The following LHX4 variants were observed in gnomAD, a reference collection of about 807,000 sequenced individuals.
LHX4 encodes the protein LIM/homeobox protein Lhx4.
In LHX4, 16 loss-of-function variants were observed where a neutral mutation model predicts 39.2. The observed-to-expected ratio is 0.41, with a 90% CI of 0.28 to 0.62. The LOEUF (loss-of-function observed/expected upper bound fraction) is 0.62. Among genes scored for constraint, LHX4 ranks in the 20% least tolerant of loss-of-function variants. LHX4 has a pLI of 0.33. For synonymous variants in LHX4, 206 were observed against 198.1 expected, an observed-to-expected ratio of 1.04 and a Z score of -0.33; for missense variants, 439 against 511.9, an observed-to-expected ratio of 0.86 and a Z score of 1.37.
At chr1:180,230,240 G>C (rs561399993), upstream of LHX4, 259 of 472,856 alleles carry the variant, frequency 5.5e-4, no homozygotes, top group African/African-American at 5.6e-3. The surrounding 1 kb of genome is among the most constrained non-coding windows in gnomAD (Gnocchi z 5.8). Context: ...AGGAGCGGGC[G>C]GGGGAGGGAA....
rs1294327913 is a variant in LHX4, at chr1:180,277,291, T to C, written c.*2712T>C. 1 of 152,260 alleles carries C rather than the reference T, an allele frequency of 6.6e-6. No individual in the cohort carries two copies. The highest frequency in any genetic ancestry group is 1.5e-5 in the Non-Finnish European group (1 of 68,056). 9.4% of individuals were successfully genotyped at this position (152,260 alleles called of 1,614,324 possible). A position where few individuals can be genotyped will look rare whatever the true frequency, so the allele number is the denominator to read the frequency against. On this transcript the variant is annotated 3_prime_UTR_variant, in exon 6 of 6. Transcript: ENST00000263726. The stretch of plus-strand genomic sequence containing the variant: ...AGAAAAGCCGGGCATTCATTACTTT[T>C]AGCTTCTCTTAGAGGCACTCCTCTG...
Position 180,230,669 on chromosome 1 carries a change from CG to C in LHX4, c.76+68del. 1 of 1,480,400 alleles carries C rather than the reference CG, an allele frequency of 6.8e-7. No homozygotes were observed. The highest frequency in any genetic ancestry group is 9.4e-7 in the Non-Finnish European group (1 of 1,065,218). The allele number at this position is 1,480,400 out of a possible 1,614,324, so 91.7% of individuals were successfully genotyped here. A position where few individuals can be genotyped will look rare whatever the true frequency, so the allele number is the denominator to read the frequency against. On this transcript the variant is annotated intron_variant, in intron 1 of 5. Transcript: ENST00000263726. The surrounding 1 kb of genome is among the most constrained non-coding windows in gnomAD (Gnocchi z 5.8). ...AGACAGCTAGCAGCCTCAGCCGCTG[CG>C]GGGCGGGCCGGACGCCGCTCAGGGG... is the stretch of plus-strand genomic sequence containing the variant.
At chr1:180,239,678 C>A (rs966674727) in intron 1 of LHX4, among the ~76,000 whole-genome samples, 2 of 152,236 alleles carry the variant, frequency 1.3e-5, no homozygotes, top group African/African-American at 4.8e-5. Flanking sequence ...CTAATTCGGC[C>A]TCAAACTGTG....
At position 180,261,257 on chromosome 1, in the gene LHX4, C is replaced by T. The variant is rs939447022; in HGVS notation, c.249-5135C>T. Among the ~76,000 whole-genome samples, 18 of 151,296 alleles carry T rather than the reference C, an allele frequency of 1.2e-4. 1 individual carries two copies. In the Middle Eastern group the frequency reaches 0.01, roughly 86 times the overall value. On this transcript the variant is annotated intron_variant, in intron 2 of 5. Coordinates refer to ENST00000263726, the MANE Select transcript of LHX4 (RefSeq NM_033343.4). ...GCAGCACAGCTCTGGATGAGTGGGG[C>T]GCTGCCCTGAAGGGTGCGGGGAGTG... is the stretch of plus-strand genomic sequence containing the variant.
rs756882283 is a variant in LHX4 at position 180,230,580 on chromosome 1, G to GGAGATGCTA, written c.53_61dup (p.Glu18_Leu20dup). 19 of 1,613,802 alleles carry GGAGATGCTA rather than the reference G, an allele frequency of 1.2e-5. No individual in the cohort carries two copies. The highest frequency in any genetic ancestry group is 1.4e-5 in the Non-Finnish European group (17 of 1,179,970). ...CGGAAGGGGCTGTCAAGGGGCTCCC[G>GGAGATGCTA]GAGATGCTAGGTGTGCCGATGCAAC... On this transcript the variant is annotated inframe_insertion, in exon 1 of 6. Coordinates refer to ENST00000263726, the MANE Select transcript of LHX4 (RefSeq NM_033343.4). This position sits in a 1 kb window ranked among gnomAD's most constrained non-coding sequence, Gnocchi z 5.8.
At chr1:180,258,145 G>C (rs12083538) in intron 2 of LHX4, among the ~76,000 whole-genome samples, 17,338 of 152,274 alleles carry the variant, frequency 0.11, 1,569 homozygotes, top group African/African-American at 0.25. Context: ...GGGGGAAACA[G>C]GGTCAGCAAG....
upstream of LHX4, among the ~76,000 whole-genome samples, chr1:180,229,971 G>A (rs868492532): frequency 7.1e-6 from 1 of 141,660 alleles, no homozygotes; most frequent in Non-Finnish European, 1.6e-5. Flanking sequence ...GGGAGGGGGG[G>A]GGGGTGCCGG....
chr1:180,263,443 A>G (rs934451152), intron 2 of LHX4, among the ~76,000 whole-genome samples: 11 of 151,918 alleles, frequency 7.2e-5, no homozygotes, highest in African/African-American at 2.7e-4. Context: ...GATGGGGTGG[A>G]GGGTGATCTG....
chr1:180,242,474 G>A (rs1664463926), intron 1 of LHX4, among the ~76,000 whole-genome samples: 1 of 152,050 alleles, frequency 6.6e-6, no homozygotes, highest in Admixed American at 6.6e-5. Flanking sequence ...TAAGTATGGT[G>A]TGGGCGTGTA....
In LHX4 at chr1:180,271,425, C is replaced by T; in HGVS notation, c.497C>T (p.Ala166Val). The part of the protein sequence containing the change: ...GAKRPRTTIT[A>V]KQLETLKNAY... The stretch of plus-strand genomic sequence containing the variant: ...AAGCGGCCCCGGACCACCATCACAG[C>T]CAAGCAGCTGGAGACATTAAAGAAT... Residue 166 changes from alanine (A) to valine (V), a missense_variant, in exon 4 of 6, where the codon GCC becomes GTC. Transcript: ENST00000263726. 1 of 1,614,142 alleles carries T rather than the reference C, an allele frequency of 6.2e-7. No homozygotes were observed. Among genetic ancestry groups the T allele is most frequent in the Non-Finnish European group, 8.5e-7 (1 of 1,180,026 alleles).
intron 3 of LHX4, chr1:180,270,465 A>T (rs1648577920): frequency 6.6e-6 from 1 of 152,190 alleles, no homozygotes; most frequent in Non-Finnish European, 1.5e-5. Context: ...TGGGAGAGGA[A>T]ACAAACCTTT....
intron 5 of LHX4, chr1:180,273,323 G>A (rs2149267935): frequency 6.6e-6 from 1 of 152,518 alleles, no homozygotes; most frequent in East Asian, 1.9e-4. Context: ...GACAGCTCAT[G>A]GGACTAATAC....
At chr1:180,236,999 A>G (rs1486073721) in intron 1 of LHX4, among the ~76,000 whole-genome samples, 1 of 152,134 alleles carries the variant, frequency 6.6e-6, no homozygotes, top group African/African-American at 2.4e-5. Flanking sequence ...ATGAGTGTTA[A>G]CAATGCCCAT....
rs1183071894 is a variant in LHX4, at chr1:180,277,826, G to GA, written c.*3253dup. ...ATACTGTGAAACATCAGGGAAAGAG[G>GA]AAAAAATTAAGCCACAAGAAAACCA... On this transcript the variant is annotated 3_prime_UTR_variant, in exon 6 of 6. Transcript: ENST00000263726. 3.5e-5 allele frequency: 5 copies of GA among 144,590 alleles called. No individual in the cohort carries two copies. Among genetic ancestry groups the GA allele is most frequent in the Admixed American group, 1.4e-4 (2 of 14,418 alleles). The allele number at this position is 144,590 out of a possible 1,614,324, so 9.0% of individuals were successfully genotyped here. A position where few individuals can be genotyped will look rare whatever the true frequency, so the allele number is the denominator to read the frequency against.
Position 180,276,423 on chromosome 1 carries a change from T to G in LHX4, c.*1844T>G, listed in dbSNP as rs1649032170. The G allele has an allele frequency of 6.6e-6, 1 of 152,210 alleles. No homozygotes were observed. The highest frequency in any genetic ancestry group is 2.4e-5 in the African/African-American group (1 of 41,438). 9.4% of individuals were successfully genotyped at this position (152,210 alleles called of 1,614,324 possible). ...CTCTGACCAATTTTATAGCGTACCC[T>G]CGTTTTTTGGTGTGCTGCAGTGGTC... On this transcript the variant is annotated 3_prime_UTR_variant, in exon 6 of 6. Coordinates refer to ENST00000263726, the MANE Select transcript of LHX4 (RefSeq NM_033343.4).
intron 1 of LHX4, among the ~76,000 whole-genome samples, chr1:180,237,852 G>T (rs1664361094): frequency 6.6e-6 from 1 of 152,174 alleles, no homozygotes; most frequent in Non-Finnish European, 1.5e-5. Context: ...CAAACATATG[G>T]AATACTGTTA....
At position 180,274,147 on chromosome 1, in the gene LHX4, T is replaced by C. The variant is rs751568001; in HGVS notation, c.779-38T>C. ...GAAGAGCAGGGGACCATCAGAGTCCTGGCAGCTGACAATAAATCTCCGTTC... is the reference window on the plus strand; with the variant it reads ...GAAGAGCAGGGGACCATCAGAGTCCCGGCAGCTGACAATAAATCTCCGTTC... On this transcript the variant is annotated intron_variant, in intron 5 of 5. Transcript: ENST00000263726. 3.1e-6 allele frequency: 5 copies of C among 1,613,820 alleles called. No individual in the cohort carries two copies. In the South Asian group the frequency reaches 3.3e-5, roughly 11 times the overall value.
intron 2 of LHX4, among the ~76,000 whole-genome samples, chr1:180,253,320 G>C (rs1233292319): frequency 6.6e-6 from 1 of 152,230 alleles, no homozygotes; most frequent in Non-Finnish European, 1.5e-5. Flanking sequence ...GCTATCACCA[G>C]GTGGGTCCTG....
At position 180,271,479 on chromosome 1, in the gene LHX4, G is replaced by A. The variant is rs1414975935; in HGVS notation, c.551G>A (p.Arg184Gln). 7 of 1,614,184 alleles carry A rather than the reference G, an allele frequency of 4.3e-6. No individual in the cohort carries two copies. The highest frequency in any genetic ancestry group is 1.1e-5 in the South Asian group (1 of 91,084). ...TACAAGAACTCCCCCAAGCCTGCCC[G>A]GCACGTGAGGGAGCAGCTGTCCTCA... The part of the protein sequence containing the change: ...NAYKNSPKPA[R>Q]HVREQLSSET... Residue 184 changes from arginine to glutamine, a missense_variant, in exon 4 of 6, where the codon CGG (arginine) becomes CAG (glutamine). Coordinates refer to ENST00000263726, the MANE Select transcript of LHX4 (RefSeq NM_033343.4).
Sources: allele counts gnomAD v4.1 joint callset (sites outside exome capture counted in the v4.1 genomes callset), GRCh38; gene constraint gnomAD v4.1.1; non-coding constraint Gnocchi (gnomAD v3.1); transcripts MANE v1.5; gene names NCBI Gene and HGNC (gene_info 2026-07-23, HGNC 2026-07-21).